Variants in CSNK1G1 observed in about 807,000 individuals in gnomAD.
CSNK1G1 encodes the protein casein kinase I isoform gamma-1.
In CSNK1G1, 22 loss-of-function variants were observed where a neutral mutation model predicts 59.6. The observed-to-expected ratio is 0.37, with a 90% confidence interval of 0.26 to 0.53. CSNK1G1 has a LOEUF of 0.53. Ranked by LOEUF, CSNK1G1 falls within the 20% of genes least tolerant of loss-of-function variation. The probability of loss-of-function intolerance (pLI) is 0.89; values close to 1 mark genes in which losing one functional copy is unlikely to be tolerated. For synonymous variants in CSNK1G1, 179 were observed against 177.1 expected, an observed-to-expected ratio of 1.01 and a Z score of -0.08; for missense variants, 384 against 519.5, an observed-to-expected ratio of 0.74 and a Z score of 2.54.
At position 64,216,743 on chromosome 15, in the gene CSNK1G1, A is replaced by G. The variant is rs757354587; in HGVS notation, c.293-30T>C. ...AAGCAGAGGGGAAATGGGGGTATAC[A>G]GTGGGAGACACAAAAGCCAAAATAT... is the stretch of plus-strand genomic sequence containing the variant. On this transcript the variant is annotated intron_variant, in intron 4 of 11. Transcript: ENST00000303052. This position sits in a 1 kb window ranked among gnomAD's most constrained non-coding sequence, Gnocchi z 4.6. 5.0e-6 allele frequency: 8 copies of G among 1,599,884 alleles called. No homozygotes were observed. The highest frequency in any genetic ancestry group is 6.8e-6 in the Non-Finnish European group (8 of 1,170,780).
At chr15:64,250,751 CAAGAAAGA>C (rs979834233) in intron 4 of CSNK1G1, among the ~76,000 whole-genome samples, 1 of 145,120 alleles carries the variant, frequency 6.9e-6, no homozygotes, top group Admixed American at 6.7e-5. Context: ...GTCTCCAAAA[CAAGAAAGA>C]AAGAAAGAAA....
At chr15:64,223,601 AAAG>A (rs1378667474) in intron 4 of CSNK1G1, among the ~76,000 whole-genome samples, 1 of 152,222 alleles carries the variant, frequency 6.6e-6, no homozygotes, top group Non-Finnish European at 1.5e-5. Flanking sequence ...CCTGGAAACT[AAAG>A]AAGTGACTAC....
chr15:64,325,890 A>C (rs900219666), intron 1 of CSNK1G1, among the ~76,000 whole-genome samples: 5 of 152,228 alleles, frequency 3.3e-5, no homozygotes, highest in Non-Finnish European at 7.3e-5. Context: ...GTTCAAACTC[A>C]TATCTGCCCT....
At chr15:64,345,768 T>C (rs1897921596) in intron 1 of CSNK1G1, among the ~76,000 whole-genome samples, 1 of 152,210 alleles carries the variant, frequency 6.6e-6, no homozygotes, top group South Asian at 2.1e-4. Flanking sequence ...AAGAACATCC[T>C]TATTAACGCT....
chr15:64,167,729 A>C lies in CSNK1G1; in HGVS notation c.*4202T>G, dbSNP rs1424992166. On this transcript the variant is annotated 3_prime_UTR_variant, in exon 12 of 12. Transcript: ENST00000303052. The stretch of plus-strand genomic sequence containing the variant: ...GGAATGGAGAGCTGGTTTAAATGTG[A>C]AATGGAAGAGGTGGCTGGAACACAG... The C allele has an allele frequency of 6.5e-6, 1 of 152,698 alleles. No individual in the cohort carries two copies. The highest frequency in any genetic ancestry group is 1.9e-4 in the East Asian group (1 of 5,206). The allele number at this position is 152,698 out of a possible 1,614,324, so 9.5% of individuals were successfully genotyped here.
In CSNK1G1 at chr15:64,216,422, A is replaced by C; in HGVS notation, c.444+140T>G. ...TCTCTGAATTTACCCTTTTTGCCCC[A>C]GCCAGCTTCCCAGAATGCCATCAAG... On this transcript the variant is annotated intron_variant, in intron 5 of 11. Transcript: ENST00000303052. This position sits in a 1 kb window ranked among gnomAD's most constrained non-coding sequence, Gnocchi z 4.6. 1 of 806,202 alleles carries C rather than the reference A, an allele frequency of 1.2e-6. No homozygotes were observed. Among genetic ancestry groups the C allele is most frequent in the Non-Finnish European group, 1.9e-6 (1 of 520,190 alleles). 49.9% of individuals were successfully genotyped at this position (806,202 alleles called of 1,614,324 possible).
At chr15:64,247,357 C>T (rs1476326535) in intron 4 of CSNK1G1, among the ~76,000 whole-genome samples, 1 of 152,084 alleles carries the variant, frequency 6.6e-6, no homozygotes, top group Admixed American at 6.6e-5. Flanking sequence ...AATTTGGTTT[C>T]TATAAGAAAT....
chr15:64,176,344 A>G lies in CSNK1G1; in HGVS notation c.1214+4004T>C. The G allele has an allele frequency of 2.6e-6, 1 of 383,318 alleles. No individual in the cohort carries two copies. The highest frequency in any genetic ancestry group is 3.7e-5 in the East Asian group (1 of 26,976). The allele number at this position is 383,318 out of a possible 1,614,324, so 23.7% of individuals were successfully genotyped here. ...GAAGAGAGAGAAAGAGAGAGATATT[A>G]GTCCACAGAGGTGAAATGGAAGCGA... On this transcript the variant is annotated intron_variant, in intron 11 of 11. Transcript: ENST00000303052. The surrounding 1 kb of genome is among the most constrained non-coding windows in gnomAD (Gnocchi z 5.2).
chr15:64,329,239 C>A (rs1220443551), intron 1 of CSNK1G1, among the ~76,000 whole-genome samples: 1 of 151,840 alleles, frequency 6.6e-6, no homozygotes, highest in African/African-American at 2.4e-5. Context: ...CAGCACCACA[C>A]CACACCTATT....
At chr15:64,320,700 A>G (rs1327547163) in intron 1 of CSNK1G1, among the ~76,000 whole-genome samples, 1 of 151,628 alleles carries the variant, frequency 6.6e-6, no homozygotes, top group Admixed American at 6.6e-5. Context: ...AAAAAAAGAA[A>G]AAAGAAAAAA....
chr15:64,182,566 A>G (rs1220588676), intron 10 of CSNK1G1, among the ~76,000 whole-genome samples: 1 of 152,190 alleles, frequency 6.6e-6, no homozygotes, highest in Non-Finnish European at 1.5e-5. Context: ...ATTAGGTGGA[A>G]TGTGACATGA....
chr15:64,192,533 G>A (rs1055539758), intron 10 of CSNK1G1, among the ~76,000 whole-genome samples: 1 of 152,058 alleles, frequency 6.6e-6, no homozygotes, highest in African/African-American at 2.4e-5. Context: ...CCCTATGGCA[G>A]GGGAAAAAAA....
chr15:64,338,133 G>A (rs1282776697), intron 1 of CSNK1G1, among the ~76,000 whole-genome samples: 6 of 152,062 alleles, frequency 3.9e-5, no homozygotes, highest in African/African-American at 1.2e-4. Flanking sequence ...AGGACTGCTG[G>A]GTCTATATGG....
chr15:64,259,483 TACAC>T (rs59936401), intron 2 of CSNK1G1, among the ~76,000 whole-genome samples: 4,820 of 139,738 alleles, frequency 0.034, 89 homozygotes, highest in Non-Finnish European at 0.038. Flanking sequence ...AAATCTCTCT[TACAC>T]ACACACACAC....
intron 2 of CSNK1G1, among the ~76,000 whole-genome samples, chr15:64,263,689 T>C (rs895427276): frequency 2.2e-4 from 33 of 152,274 alleles, no homozygotes; most frequent in Non-Finnish European, 4.3e-4. Flanking sequence ...CTCAGCCTTG[T>C]CTGGAGTGCT....
At chr15:64,229,984 C>T (rs981082626) in intron 4 of CSNK1G1, among the ~76,000 whole-genome samples, 9 of 124,212 alleles carry the variant, frequency 7.2e-5, no homozygotes, top group Non-Finnish European at 1.1e-4. Flanking sequence ...GGCAGTGGCG[C>T]GACCTCGGCT....
chr15:64,217,558 G>A (rs2082328288), intron 4 of CSNK1G1, among the ~76,000 whole-genome samples: 1 of 152,182 alleles, frequency 6.6e-6, no homozygotes, highest in African/African-American at 2.4e-5. Context: ...AGTGGCTCAT[G>A]CCTGTAAGTC....
rs111449592 is a variant in CSNK1G1, at chr15:64,307,707, G to C, written c.-224-6984C>G. 6.9e-3 allele frequency among the ~76,000 whole-genome samples: 1,053 copies of C among 152,194 alleles called. 11 individuals are homozygous for C. The highest frequency in any genetic ancestry group is 0.017 in the African/African-American group (710 of 41,460). Reference sequence around the variant, plus strand: ...TGTTTTTGATTTTGTTTTTGTTTGAGACGGAGTCTCGCTCTGTCACCCAGG... The same window carrying C: ...TGTTTTTGATTTTGTTTTTGTTTGACACGGAGTCTCGCTCTGTCACCCAGG... On this transcript the variant is annotated intron_variant, in intron 1 of 11. Coordinates refer to ENST00000303052, the MANE Select transcript of CSNK1G1 (RefSeq NM_022048.5).
chr15:64,342,957 C>T (rs997468012), intron 1 of CSNK1G1, among the ~76,000 whole-genome samples: 7 of 151,842 alleles, frequency 4.6e-5, no homozygotes, highest in African/African-American at 7.2e-5. Flanking sequence ...CCAGGAGACG[C>T]TGCTGCTGCT....
Sources: allele counts gnomAD v4.1 joint callset (sites outside exome capture counted in the v4.1 genomes callset), GRCh38; gene constraint gnomAD v4.1.1; non-coding constraint Gnocchi (gnomAD v3.1); transcripts MANE v1.5; gene names NCBI Gene and HGNC (gene_info 2026-07-23, HGNC 2026-07-21).